The following KSR1 variants were observed in gnomAD, a reference collection of about 807,000 sequenced individuals.
The protein encoded by KSR1 is kinase suppressor of ras 1, also known as kinase suppressor of ras.
A neutral mutation model predicts 92.9 loss-of-function variants in KSR1; 35 were observed. The ratio of observed to expected loss-of-function variants is 0.38; its 90% CI spans 0.29 to 0.50. The LOEUF is 0.50. Among genes scored for constraint, KSR1 ranks in the 20% least tolerant of loss-of-function variants. KSR1 has a pLI of 0.94. For missense variants in KSR1, 972 were observed against 1,158.5 expected, an observed-to-expected ratio of 0.84 and a Z score of 2.34; for synonymous variants, 467 against 472.6, an observed-to-expected ratio of 0.99 and a Z score of 0.15.
intron 2 of KSR1, among the ~76,000 whole-genome samples, chr17:27,574,785 G>C (rs2072441572): frequency 1.3e-5 from 2 of 152,218 alleles, no homozygotes; most frequent in Admixed American, 6.5e-5. Flanking sequence ...AGATTCTCAA[G>C]AACTGTGAGC....
chr17:27,493,441 CAG>C (rs2068885418), intron 1 of KSR1, among the ~76,000 whole-genome samples: 1 of 152,262 alleles, frequency 6.6e-6, no homozygotes, highest in East Asian at 1.9e-4. Flanking sequence ...TTTTTTAAGT[CAG>C]AGACATTAAC....
chr17:27,470,741 A>AT (rs2019953855), intron 1 of KSR1, among the ~76,000 whole-genome samples: 1 of 151,970 alleles, frequency 6.6e-6, no homozygotes, highest in Admixed American at 6.6e-5. Context: ...AGTATCTCAT[A>AT]TTTTTTACAA....
At position 27,557,256 on chromosome 17, in the gene KSR1, G is replaced by A. The variant is rs562942027; in HGVS notation, c.372+6548G>A. Among the ~76,000 whole-genome samples the A allele has an allele frequency of 4.6e-5, 7 of 152,332 alleles. No homozygotes were observed. The East Asian group carries it at 1.3e-3, about 29-fold the overall frequency. On this transcript the variant is annotated intron_variant, in intron 2 of 20. Transcript: ENST00000644974. The stretch of plus-strand genomic sequence containing the variant: ...AGTCTCCTCCAAGGTAGCTCAGACT[G>A]CAGAGATTGGCACCCTGAAGGAATG...
rs2072836206 is a variant in KSR1, at chr17:27,583,095, T to C, written c.970T>C (p.Ser324Pro). The C allele has an allele frequency of 6.4e-7, 1 of 1,556,168 alleles. No individual in the cohort carries two copies. Among genetic ancestry groups the C allele is most frequent in the South Asian group, 1.2e-5 (1 of 81,594 alleles). The change falls in exon 4 of 21, where the codon TCC becomes CCC. Residue 324 changes from serine (S) to proline (P), a missense_variant. By Grantham distance (74) the Ser-to-Pro change is moderately conservative. This residue lies in a region of KSR1 where 611 missense variants were observed against 668.0 expected (regional missense o/e 0.91). Coordinates refer to ENST00000644974, the MANE Select transcript of KSR1 (RefSeq NM_001394583.1). ...SQLGNRIDDV[S>P]SMRFDLSHGS... is the part of the protein sequence containing the mutation. ...GCTGGGGAACCGCATTGATGACGTCTCCTCGATGAGGTGAGTGCTCCTTCT... is the reference window on the plus strand; with the variant it reads ...GCTGGGGAACCGCATTGATGACGTCCCCTCGATGAGGTGAGTGCTCCTTCT...
intron 1 of KSR1, among the ~76,000 whole-genome samples, chr17:27,510,152 G>C (rs955235496): frequency 2.0e-5 from 3 of 152,216 alleles, no homozygotes; most frequent in African/African-American, 7.2e-5. Flanking sequence ...AACCTTTCTG[G>C]TTTTCCCTTT....
rs988597099 is a variant in KSR1 at position 27,459,235 on chromosome 17, G to T, written c.231+2361G>T. Among the ~76,000 whole-genome samples, 7 of 152,188 alleles carry T rather than the reference G, an allele frequency of 4.6e-5. No homozygotes were observed. The highest frequency in any genetic ancestry group is 1.7e-4 in the African/African-American group (7 of 41,442). On this transcript the variant is annotated intron_variant, in intron 1 of 20. Transcript: ENST00000644974. The surrounding 1 kb of genome is among the most constrained non-coding windows in gnomAD (Gnocchi z 4.6). ...AGACTGCTCACACCTGCAGCATTTT[G>T]TCTGTCAGTCCGTGCTGATACTACG... is the stretch of plus-strand genomic sequence containing the variant.
chr17:27,609,488 C>T (rs1370681070), intron 16 of KSR1, among the ~76,000 whole-genome samples, 159 bp downstream of exon 16: 1 of 152,186 alleles, frequency 6.6e-6, no homozygotes, highest in Non-Finnish European at 1.5e-5. Context: ...GGTTCAGAAT[C>T]AGATTTGGGT....
intron 1 of KSR1, among the ~76,000 whole-genome samples, chr17:27,537,192 C>G (rs2070781480): frequency 6.6e-6 from 1 of 152,152 alleles, no homozygotes; most frequent in Admixed American, 6.6e-5. Context: ...GGTTGTATTC[C>G]CAAACACTCA....
chr17:27,563,596 C>G (rs921371588), intron 2 of KSR1, among the ~76,000 whole-genome samples: 1 of 152,136 alleles, frequency 6.6e-6, no homozygotes, highest in East Asian at 1.9e-4. Flanking sequence ...TGTCTTGTTA[C>G]GCTTAGCACA....
At chr17:27,461,888 C>T (rs2019466044) in intron 1 of KSR1, among the ~76,000 whole-genome samples, 1 of 152,240 alleles carries the variant, frequency 6.6e-6, no homozygotes, top group African/African-American at 2.4e-5. Flanking sequence ...GGAGATGGAC[C>T]ATGCGGAGAC....
chr17:27,504,279 G>A (rs746509395), intron 1 of KSR1, among the ~76,000 whole-genome samples: 4 of 152,174 alleles, frequency 2.6e-5, no homozygotes, highest in Non-Finnish European at 4.4e-5. Flanking sequence ...GCAGTCAGCC[G>A]GCCATTCTTA....
intron 2 of KSR1, among the ~76,000 whole-genome samples, chr17:27,565,487 C>T (rs1029414340): frequency 6.6e-6 from 1 of 152,226 alleles, no homozygotes; most frequent in Non-Finnish European, 1.5e-5. Context: ...TGCATTGGCA[C>T]AATCTTGGCT....
At chr17:27,606,760 C>T (rs1264977941) in intron 14 of KSR1, among the ~76,000 whole-genome samples, 1 of 147,876 alleles carries the variant, frequency 6.8e-6, no homozygotes, top group Non-Finnish European at 1.5e-5. Context: ...CTGGTGGTCC[C>T]GTAATTTATT....
chr17:27,556,010 C>T (rs1322208218), intron 2 of KSR1, among the ~76,000 whole-genome samples: 1 of 152,232 alleles, frequency 6.6e-6, no homozygotes, highest in Non-Finnish European at 1.5e-5. Flanking sequence ...TCAGGCCAGA[C>T]GTTTGGTTCA....
At position 27,510,563 on chromosome 17, in the gene KSR1, A is replaced by C. The variant is rs57065316; in HGVS notation, c.232-40005A>C. 2.0e-4 allele frequency among the ~76,000 whole-genome samples: 30 copies of C among 152,316 alleles called. No individual in the cohort carries two copies. In the East Asian group the frequency reaches 5.6e-3, roughly 28 times the overall value. On this transcript the variant is annotated intron_variant, in intron 1 of 20. Transcript: ENST00000644974. ...TCTAAGTCCTAACACCGAAGAGCTG[A>C]GTGGCCTTAGCTTAAGGTAATTTAG...
intron 1 of KSR1, among the ~76,000 whole-genome samples, chr17:27,521,123 A>G (rs1215683954): frequency 6.6e-6 from 1 of 152,126 alleles, no homozygotes; most frequent in African/African-American, 2.4e-5. Context: ...CATCCATATC[A>G]GGAGCACAGC....
At chr17:27,606,983 C>T (rs2073774908) in intron 14 of KSR1, among the ~76,000 whole-genome samples, 1 of 151,954 alleles carries the variant, frequency 6.6e-6, no homozygotes, top group Non-Finnish European at 1.5e-5. Flanking sequence ...AGCCGTGTGC[C>T]ACCACGCCTC....
At chr17:27,549,129 TGAAAG>T (rs2071297843) in intron 1 of KSR1, among the ~76,000 whole-genome samples, 2 of 152,176 alleles carry the variant, frequency 1.3e-5, no homozygotes, top group South Asian at 2.1e-4. Context: ...TATTTACAGA[TGAAAG>T]GAAAAGGAAT....
chr17:27,593,814 G>A (rs2073249519), intron 9 of KSR1, among the ~76,000 whole-genome samples: 1 of 152,248 alleles, frequency 6.6e-6, no homozygotes, highest in African/African-American at 2.4e-5. Context: ...GTTTCTCATG[G>A]TTCTGGAGGC....
Sources: gnomAD v4.1 joint callset for allele counts (sites outside exome capture counted in the v4.1 genomes callset) on GRCh38, gnomAD v4.1.1 for gene constraint, gnomAD v4.1.1 regional missense constraint, Gnocchi (gnomAD v3.1) non-coding constraint, MANE v1.5 for transcripts, NCBI Gene and HGNC (gene_info 2026-07-23, HGNC 2026-07-21) for gene names.